The following OR8B2 variants were observed in gnomAD, a reference collection of about 807,000 sequenced individuals.
OR8B2 encodes olfactory receptor family 8 subfamily B member 2, also known as olfactory receptor 8B2.
For synonymous variants in OR8B2, 98 were observed against 138.2 expected (o/e 0.71, Z 2.04); for missense variants, 304 against 379.6 (o/e 0.80, Z 1.65).
upstream of OR8B2, among the ~76,000 whole-genome samples, chr11:124,386,289 G>T (rs1375631123): frequency 6.7e-6 from 1 of 149,368 alleles, no homozygotes; most frequent in Non-Finnish European, 1.5e-5. Flanking sequence ...TAAGTTTCAG[G>T]GTACGTGTGC....
chr11:124,384,495 C>T lies in OR8B2; in HGVS notation c.-139G>A, dbSNP rs1288554326. ...CCACATGTAGTCAAAGAATCTTCTT[C>T]TCCCTTACCTGGCAAAAGCATTGAG... On this transcript the variant is annotated 5_prime_UTR_variant, in exon 1 of 2. Coordinates refer to ENST00000641451, the MANE Select transcript of OR8B2 (RefSeq NM_001005468.2). The T allele has an allele frequency of 6.6e-6, 1 of 152,212 alleles. No homozygotes were observed. Among genetic ancestry groups the T allele is most frequent in the Non-Finnish European group, 1.5e-5 (1 of 68,040 alleles). 9.4% of individuals were successfully genotyped at this position (152,212 alleles called of 1,614,324 possible). A position where few individuals can be genotyped will look rare whatever the true frequency, so the allele number is the denominator to read the frequency against.
At chr11:124,394,677 T>G in the OR8B2 span, among the ~76,000 whole-genome samples, 7 of 152,172 alleles carry the variant, frequency 4.6e-5, no homozygotes, top group Non-Finnish European at 8.8e-5. Flanking sequence ...GTACTCTGCC[T>G]AAACACCATG....
upstream of OR8B2, among the ~76,000 whole-genome samples, chr11:124,385,913 C>A (rs1476453219): frequency 6.6e-6 from 1 of 152,078 alleles, no homozygotes; most frequent in East Asian, 1.9e-4. Context: ...GGATTACAGG[C>A]ATGAACCACC....
the OR8B2 span, among the ~76,000 whole-genome samples, chr11:124,390,648 ATG>A: frequency 5.9e-5 from 9 of 152,220 alleles, no homozygotes; most frequent in African/African-American, 2.2e-4. Flanking sequence ...TGAGATATAT[ATG>A]TGGACACAAT....
chr11:124,389,865 G>A, the OR8B2 span, among the ~76,000 whole-genome samples: 1,766 of 152,206 alleles, frequency 0.012, 16 homozygotes, highest in Non-Finnish European at 0.019. Flanking sequence ...TTCCTAAAGA[G>A]GATATTTAAA....
At chr11:124,385,128 C>T (rs7118585), upstream of OR8B2, among the ~76,000 whole-genome samples, 7,039 of 152,002 alleles carry the variant, frequency 0.046, 552 homozygotes, top group African/African-American at 0.16. Flanking sequence ...TTTATTTCAT[C>T]AAAATTTAAT....
chr11:124,396,239 C>T, the OR8B2 span: 1 of 619,812 alleles, frequency 1.6e-6, no homozygotes, highest in South Asian at 2.6e-5. Flanking sequence ...GTGAGAAGTG[C>T]CAGAGATGCA....
chr11:124,387,826 T>C (rs969465238), upstream of OR8B2, among the ~76,000 whole-genome samples: 29 of 150,414 alleles, frequency 1.9e-4, no homozygotes, highest in African/African-American at 5.9e-4. Flanking sequence ...GGGGATGGCA[T>C]TGAATCTATA....
the OR8B2 span, among the ~76,000 whole-genome samples, chr11:124,394,228 T>C: frequency 4.6e-5 from 7 of 151,252 alleles, no homozygotes; most frequent in African/African-American, 1.5e-4. Flanking sequence ...ATTGTGCACA[T>C]GTACCCTGAA....
At chr11:124,394,852 TTA>T in the OR8B2 span, among the ~76,000 whole-genome samples, 19 of 152,274 alleles carry the variant, frequency 1.2e-4, no homozygotes, top group African/African-American at 4.6e-4. Flanking sequence ...GTCGTTATTT[TTA>T]TATGTTATTA....
At chr11:124,384,873 CAT>C (rs1441837824), upstream of OR8B2, among the ~76,000 whole-genome samples, 1 of 152,144 alleles carries the variant, frequency 6.6e-6, no homozygotes, top group Non-Finnish European at 1.5e-5. Context: ...AAGATGTAAA[CAT>C]AAAGATTGTC....
chr11:124,383,770 C>T (rs926015685), intron 1 of OR8B2, among the ~76,000 whole-genome samples: 5 of 152,122 alleles, frequency 3.3e-5, no homozygotes, highest in African/African-American at 9.7e-5. Context: ...TCCTTTAGGG[C>T]GGAGACCATA....
At chr11:124,394,609 T>C in the OR8B2 span, among the ~76,000 whole-genome samples, 1 of 152,166 alleles carries the variant, frequency 6.6e-6, no homozygotes, top group South Asian at 2.1e-4. Flanking sequence ...TGGCCAGCTC[T>C]CTTTAAGTCC....
At chr11:124,391,043 C>T in the OR8B2 span, among the ~76,000 whole-genome samples, 5 of 152,080 alleles carry the variant, frequency 3.3e-5, no homozygotes, top group South Asian at 4.1e-4. Flanking sequence ...ATCAATTGAC[C>T]GCGTGAGTGA....
At chr11:124,384,953 A>C (rs2134192818), upstream of OR8B2, among the ~76,000 whole-genome samples, 1 of 152,322 alleles carries the variant, frequency 6.6e-6, no homozygotes, top group East Asian at 1.9e-4. Flanking sequence ...AATTTAGTAA[A>C]GTTTATTGCT....
At chr11:124,393,918 T>A in the OR8B2 span, among the ~76,000 whole-genome samples, 1 of 150,832 alleles carries the variant, frequency 6.6e-6, no homozygotes, top group South Asian at 2.1e-4. Context: ...TGGAATACTA[T>A]GCAGCCATAA....
At chr11:124,397,261 A>T in the OR8B2 span, 1 of 1,490,606 alleles carries the variant, frequency 6.7e-7, no homozygotes, top group South Asian at 1.2e-5. Flanking sequence ...ACCACTAGAA[A>T]CAGGAAAAAG....
chr11:124,389,115 C>T (rs958591482), upstream of OR8B2, among the ~76,000 whole-genome samples: 17 of 152,106 alleles, frequency 1.1e-4, no homozygotes, highest in African/African-American at 1.2e-4. Flanking sequence ...TAAGCCACTA[C>T]GCCCAGCCTA....
chr11:124,383,241 A>G lies in OR8B2; in HGVS notation c.103T>C (p.Tyr35His), dbSNP rs1269520753. The G allele has an allele frequency of 6.2e-7, 1 of 1,614,024 alleles. No individual in the cohort carries two copies. The highest frequency in any genetic ancestry group is 1.1e-5 in the South Asian group (1 of 91,078). ...QPLFFLFLVI[Y>H]IVTMVGNLGL... Reference sequence around the variant, plus strand: ...AGGTTGCCTACCATGGTGACAATGTAGATCACTAGAAACAGGAAAAAGAGG... The same window carrying G: ...AGGTTGCCTACCATGGTGACAATGTGGATCACTAGAAACAGGAAAAAGAGG... Residue 35 changes from tyrosine to histidine, a missense_variant, in exon 2 of 2, where the codon TAC (tyrosine) becomes CAC (histidine). Tyr to His is a moderately conservative substitution (Grantham distance 83). Coordinates refer to ENST00000641451, the MANE Select transcript of OR8B2 (RefSeq NM_001005468.2).
Sources: allele counts gnomAD v4.1 joint callset (sites outside exome capture counted in the v4.1 genomes callset), GRCh38; gene constraint gnomAD v4.1.1; transcripts MANE v1.5; gene names NCBI Gene and HGNC (gene_info 2026-07-23, HGNC 2026-07-21).